SSC5D: variants seen among roughly 807,000 people sequenced by gnomAD.
SSC5D encodes the protein scavenger receptor cysteine rich family member with 5 domains, also known as soluble scavenger receptor cysteine-rich domain-containing protein SSC5D.
SSC5D carries 106 observed loss-of-function variants against 104.6 expected under a neutral mutation model. The observed-to-expected ratio is 1.01, with a 90% confidence interval of 0.87 to 1.19. The LOEUF is 1.19. Among genes scored for constraint, SSC5D ranks in the 50% most tolerant of loss-of-function variants. The probability of loss-of-function intolerance (pLI) is 0.00; values close to 1 mark genes in which losing one functional copy is unlikely to be tolerated. For missense variants in SSC5D, 1,993 were observed against 2,153.8 expected, an observed-to-expected ratio of 0.93 and a Z score of 1.48; for synonymous variants, 860 against 883.5, an observed-to-expected ratio of 0.97 and a Z score of 0.47.
intron 12 of SSC5D, 56 bp from the exon 13 acceptor site, chr19:55,512,955 G>A: frequency 1.3e-6 from 2 of 1,547,876 alleles, no homozygotes; most frequent in Non-Finnish European, 8.7e-7. Context: ...GAGAGACGGG[G>A]AGTCAAACTC....
chr19:55,508,516 A>T (rs1221448230), intron 12 of SSC5D, among the ~76,000 whole-genome samples: 2 of 152,196 alleles, frequency 1.3e-5, no homozygotes, highest in East Asian at 3.8e-4. Flanking sequence ...AAACTGAGGT[A>T]GGGAGAGGTC....
Position 55,517,710 on chromosome 19 carries a change from C to T in SSC5D, c.3434C>T (p.Pro1145Leu). 8 of 1,551,094 alleles carry T rather than the reference C, an allele frequency of 5.2e-6. No homozygotes were observed. Among genetic ancestry groups the T allele is most frequent in the Non-Finnish European group, 7.0e-6 (8 of 1,146,840 alleles). Residue 1145 changes from proline to leucine, a missense_variant, in exon 14 of 14, where the codon CCC becomes CTC. This residue lies in a region of SSC5D where 423 missense variants were observed against 409.2 expected (regional missense o/e 1.03). Transcript: ENST00000389623. ...TCAGAATATTCTAGATCCCCAGACC[C>T]CTCCCCAAGCCCTCACCCCACTACT... ...TVSEYSRSPD[P>L]SPSPHPTTTP...
chr19:55,507,920 G>T (rs1023551195), intron 12 of SSC5D, among the ~76,000 whole-genome samples: 1 of 152,060 alleles, frequency 6.6e-6, no homozygotes, highest in African/African-American at 2.4e-5. Context: ...GCTCTGATCA[G>T]GGTGGCAGTG....
intron 12 of SSC5D, among the ~76,000 whole-genome samples, chr19:55,510,096 C>T (rs982149431): frequency 6.6e-6 from 1 of 151,964 alleles, no homozygotes; most frequent in Non-Finnish European, 1.5e-5. Flanking sequence ...CTCCAAGGCT[C>T]AAGTGATTCT....
At chr19:55,510,285 C>T (rs756707804) in intron 12 of SSC5D, among the ~76,000 whole-genome samples, 123 of 152,180 alleles carry the variant, frequency 8.1e-4, no homozygotes, top group Non-Finnish European at 1.5e-3. Flanking sequence ...AGGCGTGAGC[C>T]GCCGTGCCCA....
In SSC5D at chr19:55,490,628, G is replaced by A. The variant is rs1211097457; in HGVS notation, c.587-144G>A. 51 of 970,226 alleles carry A rather than the reference G, an allele frequency of 5.3e-5. 1 individual carries two copies. The South Asian group carries it at 5.4e-4, about 10-fold the overall frequency. The allele number at this position is 970,226 out of a possible 1,614,324, so 60.1% of individuals were successfully genotyped here. A position where few individuals can be genotyped will look rare whatever the true frequency, so the allele number is the denominator to read the frequency against. On this transcript the variant is annotated intron_variant, in intron 5 of 13. Coordinates refer to ENST00000389623, the MANE Select transcript of SSC5D (RefSeq NM_001144950.2). ...CCAGGTGTCCTGGCCCGCTCAGGTC[G>A]TGGACTCACCTCTTCACGGGCTGCC...
At chr19:55,502,404 CCT>C (rs780790339) in intron 12 of SSC5D, among the ~76,000 whole-genome samples, 1 of 150,930 alleles carries the variant, frequency 6.6e-6, no homozygotes, top group Non-Finnish European at 1.5e-5. Flanking sequence ...TTTCTTTTTC[CCT>C]GTCTTTCTTT....
chr19:55,496,384 A>G (rs1568477481), intron 8 of SSC5D, among the ~76,000 whole-genome samples: 1 of 152,248 alleles, frequency 6.6e-6, no homozygotes, highest in East Asian at 1.9e-4. Context: ...AGGCGTGGTT[A>G]ACACAGCTGT....
At chr19:55,501,263 A>T (rs1476191530) in intron 12 of SSC5D, 62 bp downstream of exon 12, 2 of 1,455,370 alleles carry the variant, frequency 1.4e-6, no homozygotes, top group African/African-American at 2.9e-5. Context: ...GCTTCCCTGC[A>T]GGGTTTCCAG....
chr19:55,500,326 A>C lies in SSC5D; in HGVS notation c.2216A>C (p.Glu739Ala). 2 of 1,551,530 alleles carry C rather than the reference A, an allele frequency of 1.3e-6. No homozygotes were observed. Among genetic ancestry groups the C allele is most frequent in the Non-Finnish European group, 1.7e-6 (2 of 1,146,980 alleles). ...AAGAGTATCCCTCAGGCCTCCCTGG[A>C]GCCATCTGCTGAGATCCCAGAAGGG... is the stretch of plus-strand genomic sequence containing the variant. The part of the protein sequence containing the change: ...TIKSIPQASL[E>A]PSAEIPEGSP... The change falls in exon 10 of 14, where the codon GAG becomes GCG. Residue 739 changes from glutamate to alanine, a missense_variant. Physicochemically the swap from Glu to Ala is moderately radical, Grantham distance 107. Coordinates refer to ENST00000389623, the MANE Select transcript of SSC5D (RefSeq NM_001144950.2). The surrounding 1 kb of genome is among the most constrained non-coding windows in gnomAD (Gnocchi z 4.6).
In SSC5D at chr19:55,501,224, C is replaced by T. The variant is rs764055008; in HGVS notation, c.2785+23C>T. 8.2e-5 allele frequency: 121 copies of T among 1,481,856 alleles called. No individual in the cohort carries two copies. The Admixed American group carries it at 1.8e-3, about 21-fold the overall frequency. 91.8% of individuals were successfully genotyped at this position (1,481,856 alleles called of 1,614,324 possible). ...CAGGTGAGAGGCCTGATTGGGGTGG[C>T]CATGGAGGGCCTCCATAAACCTCCA... On this transcript the variant is annotated intron_variant, in intron 12 of 13. Transcript: ENST00000389623.
rs1474777619 is a variant in SSC5D, at chr19:55,517,383, T to C, written c.3107T>C (p.Leu1036Ser). 1 of 1,550,618 alleles carries C rather than the reference T, an allele frequency of 6.4e-7. No individual in the cohort carries two copies. Among genetic ancestry groups the C allele is most frequent in the South Asian group, 1.2e-5 (1 of 84,052 alleles). ...SSRELTPHSA[L>S]TSEATSDAPD... ...CGAGAGCTCACTCCCCACTCAGCCT[T>C]GACGTCCGAGGCGACCTCTGACGCT... Residue 1036 changes from leucine to serine, a missense_variant, in exon 14 of 14, where the codon TTG (leucine) becomes TCG (serine). By Grantham distance (145) the Leu-to-Ser change is moderately radical. Coordinates refer to ENST00000389623, the MANE Select transcript of SSC5D (RefSeq NM_001144950.2).
chr19:55,495,239 T>A (rs879914678), intron 8 of SSC5D, among the ~76,000 whole-genome samples: 6,139 of 31,164 alleles, frequency 0.2, 761 homozygotes, highest in African/African-American at 0.32. Context: ...ATATATTTTT[T>A]TTTTTTTTTT....
Position 55,489,367 on chromosome 19 carries a change from G to T in SSC5D, c.66G>T (p.Leu22=). 6.8e-7 allele frequency: 1 copy of T among 1,460,734 alleles called. No individual in the cohort carries two copies. Among genetic ancestry groups the T allele is most frequent in the South Asian group, 1.4e-5 (1 of 69,958 alleles). The allele number at this position is 1,460,734 out of a possible 1,614,324, so 90.5% of individuals were successfully genotyped here. ...VGIQAVERLR[L]ADGPHGCAGR... The stretch of plus-strand genomic sequence containing the variant: ...TCCAACCCTCAGAGCGCCTGCGCCT[G>T]GCCGATGGCCCCCATGGGTGCGCTG... The change falls in exon 3 of 14, where the codon CTG becomes CTT. Residue 22 remains leucine, a synonymous_variant. Transcript: ENST00000389623.
chr19:55,490,822 G>A lies in SSC5D; in HGVS notation c.637G>A (p.Val213Ile). The change falls in exon 6 of 14, where the codon GTC becomes ATC. Residue 213 changes from valine (V) to isoleucine (I), a missense_variant. Transcript: ENST00000389623. ...CCACAGGTGCGCCGGACGCCTGGAG[G>A]TCTGGCACGGCGGGCGCTGGGGCAC... ...GPHRCAGRLE[V>I]WHGGRWGTVC... 3 of 1,547,218 alleles carry A rather than the reference G, an allele frequency of 1.9e-6. No individual in the cohort carries two copies. The highest frequency in any genetic ancestry group is 2.6e-6 in the Non-Finnish European group (3 of 1,145,704).
chr19:55,489,147 G>A, intron 2 of SSC5D, 115 bp downstream of exon 2: 1 of 928,020 alleles, frequency 1.1e-6, no homozygotes, highest in Non-Finnish European at 1.5e-6. Context: ...ATTCCACTGT[G>A]ACCTTGGCCC....
At position 55,499,994 on chromosome 19, in the gene SSC5D, T is replaced by G; in HGVS notation, c.1884T>G (p.Thr628=). ...TKAPGKMPKS[T]KKWVTKNAKR... is the part of the protein sequence containing the mutation. ...CCCCAGGGAAAATGCCTAAGAGTAC[T>G]AAGAAGTGGGTGACAAAAAATGCAA... The change falls in exon 10 of 14, where the codon ACT becomes ACG. Residue 628 remains threonine, a synonymous_variant. Coordinates refer to ENST00000389623, the MANE Select transcript of SSC5D (RefSeq NM_001144950.2). The G allele has an allele frequency of 1.9e-6, 3 of 1,551,634 alleles. No homozygotes were observed. The highest frequency in any genetic ancestry group is 2.6e-6 in the Non-Finnish European group (3 of 1,146,982).
chr19:55,491,789 CCTCT>C (rs1195726910), intron 6 of SSC5D: 5 of 152,434 alleles, frequency 3.3e-5, no homozygotes, highest in African/African-American at 1.2e-4. Flanking sequence ...TTCCTTCCTC[CCTCT>C]TTCCCTTTCT....
At chr19:55,506,194 G>A (rs1987630921) in intron 12 of SSC5D, among the ~76,000 whole-genome samples, 1 of 151,568 alleles carries the variant, frequency 6.6e-6, no homozygotes, top group African/African-American at 2.4e-5. Context: ...ACACATCTTT[G>A]GGCGAGGGGC....
Sources: allele counts gnomAD v4.1 joint callset (sites outside exome capture counted in the v4.1 genomes callset), GRCh38; gene constraint gnomAD v4.1.1; regional missense constraint gnomAD v4.1.1; non-coding constraint Gnocchi (gnomAD v3.1); transcripts MANE v1.5; gene names NCBI Gene and HGNC (gene_info 2026-07-23, HGNC 2026-07-21).